Variants in GSTM2 observed in about 807,000 individuals in gnomAD.
GSTM2 encodes the protein glutathione S-transferase mu 2.
GSTM2 carries 33 observed loss-of-function variants against 33.3 expected under a neutral mutation model. That is an observed-to-expected ratio of 0.99 (90% CI 0.75 to 1.33). The LOEUF is 1.33. Ranked by LOEUF, GSTM2 falls within the 40% of genes most tolerant of loss-of-function variation. The pLI is 0.00. For synonymous variants in GSTM2, 93 were observed against 95.6 expected (o/e 0.97, Z 0.16); for missense variants, 213 against 265.8 (o/e 0.80, Z 1.38).
intron 3 of GSTM2, 98 bp from the exon 4 acceptor site, chr1:109,669,192 G>T (rs900675870): frequency 5.1e-5 from 71 of 1,395,884 alleles, no homozygotes; most frequent in Non-Finnish European, 6.9e-5. Context: ...GGCCTGCCAT[G>T]AGCAGGCCCT....
intron 2 of GSTM2, 84 bp downstream of exon 2, chr1:109,668,584 C>T: frequency 6.9e-7 from 1 of 1,443,314 alleles, no homozygotes; most frequent in Non-Finnish European, 9.8e-7. Flanking sequence ...GTGGCTGACT[C>T]TGCAGGCCTC....
chr1:109,680,279 CA>C (rs5776993), downstream of GSTM2, among the ~76,000 whole-genome samples: 103,504 of 130,906 alleles, frequency 0.79, 40,795 homozygotes, highest in East Asian at 0.93. Flanking sequence ...GTACACATAG[CA>C]AAAAAAAAAA....
intron 7 of GSTM2, 82 bp downstream of exon 7, chr1:109,671,665 C>T: frequency 2.2e-6 from 2 of 889,886 alleles, no homozygotes; most frequent in Admixed American, 1.7e-5. Flanking sequence ...TGGAGCTACA[C>T]AAAGAATAAC....
downstream of GSTM2, among the ~76,000 whole-genome samples, chr1:109,679,328 G>A (rs141726942): frequency 3.4e-3 from 513 of 152,108 alleles, 6 homozygotes; most frequent in African/African-American, 0.012. Flanking sequence ...AAAATTAGCC[G>A]GGCATGGTGG....
At chr1:109,680,049 C>T (rs959466313), downstream of GSTM2, among the ~76,000 whole-genome samples, 1 of 152,084 alleles carries the variant, frequency 6.6e-6, no homozygotes, top group African/African-American at 2.4e-5. Flanking sequence ...AACACCATCG[C>T]CTCCCACCCC....
Position 109,668,419 on chromosome 1 carries a change from T to C in GSTM2, c.37-6T>C, listed in dbSNP as rs745910530. On this transcript the variant is annotated splice_region_variant and splice_polypyrimidine_tract_variant and intron_variant, in intron 1 of 7. Transcript: ENST00000241337. The stretch of plus-strand genomic sequence containing the variant: ...TCTGACCCGAGCTGTGGGCCATCTC[T>C]CCCAGCTGGCCCATTCCATCCGCCT... 2 of 1,613,374 alleles carry C rather than the reference T, an allele frequency of 1.2e-6. No homozygotes were observed. Among genetic ancestry groups the C allele is most frequent in the African/African-American group, 2.7e-5 (2 of 74,872 alleles).
chr1:109,671,184 G>C (rs751809661), intron 5 of GSTM2, 103 bp from the exon 6 acceptor site: 52 of 775,712 alleles, frequency 6.7e-5, no homozygotes, highest in Non-Finnish European at 1.1e-4. Flanking sequence ...TGGGGAAGAT[G>C]ACTGCTTGCC....
At chr1:109,673,963 G>C (rs1647634630) in intron 7 of GSTM2, among the ~76,000 whole-genome samples, 1 of 152,218 alleles carries the variant, frequency 6.6e-6, no homozygotes, top group African/African-American at 2.4e-5. Flanking sequence ...CATGTAGCCT[G>C]ATCTGCAGCA....
chr1:109,673,145 C>T (rs949043597), intron 7 of GSTM2: 24 of 1,595,240 alleles, frequency 1.5e-5, no homozygotes, highest in East Asian at 2.2e-5. Context: ...GCTGGGATTA[C>T]AAGCGTGAGC....
In GSTM2 at chr1:109,669,374, G is replaced by A. The variant is rs58615559; in HGVS notation, c.259+3G>A. 4,173 of 1,614,222 alleles carry A rather than the reference G, an allele frequency of 2.6e-3. 95 individuals are homozygous for A. The African/African-American group carries it at 0.05, about 19-fold the overall frequency. ...CATTGCCCGCAAGCACAACCTGTGTGAGTAGATTTGGTTGCAAGATGCGGG... is the reference window on the plus strand; with the variant it reads ...CATTGCCCGCAAGCACAACCTGTGTAAGTAGATTTGGTTGCAAGATGCGGG... On this transcript the variant is annotated splice_donor_region_variant and intron_variant, in intron 4 of 7. Coordinates refer to ENST00000241337, the MANE Select transcript of GSTM2 (RefSeq NM_000848.4).
Position 109,668,124 on chromosome 1 carries a change from G to A in GSTM2, c.9G>A (p.Met3Ile). The A allele has an allele frequency of 6.2e-7, 1 of 1,613,910 alleles. No individual in the cohort carries two copies. Among genetic ancestry groups the A allele is most frequent in the Non-Finnish European group, 8.5e-7 (1 of 1,179,884 alleles). Residue 3 changes from methionine (M) to isoleucine (I), a missense_variant, in exon 1 of 8, where the codon ATG (methionine) becomes ATA (isoleucine). Transcript: ENST00000241337. MP[M>I]TLGYWNIRGL... The stretch of plus-strand genomic sequence containing the variant: ...CCACAGCAACCAGCACCATGCCCAT[G>A]ACACTGGGGTACTGGAACATCCGCG...
chr1:109,673,059 G>A (rs1647601934), intron 7 of GSTM2: 2 of 853,084 alleles, frequency 2.3e-6, no homozygotes, highest in South Asian at 1.5e-5. Context: ...TAGTAGAGAT[G>A]GGGTTTTGCT....
chr1:109,669,646 C>A, intron 5 of GSTM2, 75 bp downstream of exon 5: 3 of 934,612 alleles, frequency 3.2e-6, no homozygotes, highest in Non-Finnish European at 5.1e-6. Flanking sequence ...AGTTTGTGTC[C>A]AAAATTGATT....
At position 109,668,514 on chromosome 1, in the gene GSTM2, C is replaced by G; in HGVS notation, c.112+14C>G. The G allele has an allele frequency of 6.2e-7, 1 of 1,613,376 alleles. No individual in the cohort carries two copies. Among genetic ancestry groups the G allele is most frequent in the South Asian group, 1.1e-5 (1 of 91,072 alleles). On this transcript the variant is annotated intron_variant, in intron 2 of 7. Coordinates refer to ENST00000241337, the MANE Select transcript of GSTM2 (RefSeq NM_000848.4). ...CGATGGGGGACGGTAATGGCACCCT[C>G]GAGTCTGGGCCCTGCCCCCTCACAC...
chr1:109,668,076 C>A lies in GSTM2; in HGVS notation c.-40C>A, dbSNP rs770477240. 6.2e-7 allele frequency: 1 copy of A among 1,610,536 alleles called. No individual in the cohort carries two copies. The highest frequency in any genetic ancestry group is 8.5e-7 in the Non-Finnish European group (1 of 1,176,704). On this transcript the variant is annotated 5_prime_UTR_variant, in exon 1 of 8. Coordinates refer to ENST00000241337, the MANE Select transcript of GSTM2 (RefSeq NM_000848.4). Reference sequence around the variant, plus strand: ...CCTCTCACAAACGCTGAGCCCCGCCCCGCTGAGGCCTGTCTGCAGAATCCA... The same window carrying A: ...CCTCTCACAAACGCTGAGCCCCGCCACGCTGAGGCCTGTCTGCAGAATCCA...
chr1:109,677,756 G>A (rs1401780629), downstream of GSTM2, among the ~76,000 whole-genome samples: 1 of 152,196 alleles, frequency 6.6e-6, no homozygotes, highest in African/African-American at 2.4e-5. Context: ...CCACAGAGTA[G>A]CACACTTAAG....
At chr1:109,669,671 C>A (rs3819350) in intron 5 of GSTM2, 100 bp downstream of exon 5, 271,179 of 736,386 alleles carry the variant, frequency 0.37, 55,037 homozygotes, top group East Asian at 0.71. Flanking sequence ...CTGGTGAGTT[C>A]TTGGTCTTGC....
rs1647454036 is a variant in GSTM2 at position 109,669,511 on chromosome 1, G to C, written c.300G>C (p.Leu100Phe). Residue 100 changes from leucine (L) to phenylalanine (F), a missense_variant, in exon 5 of 8, where the codon TTG (leucine) becomes TTC (phenylalanine). Physicochemically the swap from Leu to Phe is conservative, Grantham distance 22. Transcript: ENST00000241337. ...SEKEQIREDI[L>F]ENQFMDSRMQ... The stretch of plus-strand genomic sequence containing the variant: ...AGGAGCAGATTCGCGAAGACATTTT[G>C]GAGAACCAGTTTATGGACAGCCGTA... 1 of 1,613,848 alleles carries C rather than the reference G, an allele frequency of 6.2e-7. No homozygotes were observed. Among genetic ancestry groups the C allele is most frequent in the Admixed American group, 1.7e-5 (1 of 60,000 alleles).
Position 109,674,934 on chromosome 1 carries a change from C to T in GSTM2, c.*98C>T. 6.6e-7 allele frequency: 1 copy of T among 1,524,152 alleles called. No homozygotes were observed. The highest frequency in any genetic ancestry group is 1.1e-5 in the South Asian group (1 of 88,144). 94.4% of individuals were successfully genotyped at this position (1,524,152 alleles called of 1,614,324 possible). A position where few individuals can be genotyped will look rare whatever the true frequency, so the allele number is the denominator to read the frequency against. On this transcript the variant is annotated 3_prime_UTR_variant, in exon 8 of 8. Transcript: ENST00000241337. ...GACTCTGCATCCCAGCACCTGCCTC[C>T]TCGTTCCTTTCTCCTGTTTATTCCC... is the stretch of plus-strand genomic sequence containing the variant.
Sources: gnomAD v4.1 joint callset for allele counts (sites outside exome capture counted in the v4.1 genomes callset) on GRCh38, gnomAD v4.1.1 for gene constraint, MANE v1.5 for transcripts, NCBI Gene and HGNC (gene_info 2026-07-23, HGNC 2026-07-21) for gene names.